Variants in EYA1 observed in about 807,000 individuals in gnomAD.
EYA1 encodes the protein EYA transcriptional coactivator and phosphatase 1.
EYA1 carries 16 observed loss-of-function variants against 82.0 expected under a neutral mutation model. The ratio of observed to expected loss-of-function variants is 0.20; its 90% CI spans 0.13 to 0.30. EYA1 has a LOEUF of 0.30. Among genes scored for constraint, EYA1 ranks in the 10% least tolerant of loss-of-function variants. The pLI is 1.00. For missense variants in EYA1, 633 were observed against 730.7 expected, an observed-to-expected ratio of 0.87 and a Z score of 1.54; for synonymous variants, 261 against 264.4, an observed-to-expected ratio of 0.99 and a Z score of 0.12.
intron 2 of EYA1, among the ~76,000 whole-genome samples, chr8:71,372,790 C>G (rs1828156770): frequency 6.6e-6 from 1 of 152,064 alleles, no homozygotes; most frequent in Non-Finnish European, 1.5e-5. Flanking sequence ...ACACCATGAC[C>G]AAGTGGGGGT....
At chr8:71,317,773 T>A in intron 6 of EYA1, 84 bp from the exon 7 acceptor site, 1 of 1,268,708 alleles carries the variant, frequency 7.9e-7, no homozygotes, top group Non-Finnish European at 1.1e-6. Context: ...CACAACCGTT[T>A]AACTACAAAT....
At chr8:71,419,472 T>C (rs1674295439) in intron 2 of EYA1, among the ~76,000 whole-genome samples, 3 of 152,172 alleles carry the variant, frequency 2.0e-5, no homozygotes. Flanking sequence ...GCATTTCCCC[T>C]TTGAGACACT....
chr8:71,208,489 TCTTTTAACTAAAAC>T (rs1484628216), intron 17 of EYA1, among the ~76,000 whole-genome samples: 1 of 152,112 alleles, frequency 6.6e-6, no homozygotes, highest in Non-Finnish European at 1.5e-5. Context: ...TTAACTAAAA[TCTTTTAACTAAAAC>T]CTTTTATTAC....
intron 11 of EYA1, among the ~76,000 whole-genome samples, chr8:71,248,357 C>T (rs1813354154): frequency 6.6e-6 from 1 of 152,202 alleles, no homozygotes; most frequent in African/African-American, 2.4e-5. Context: ...AACCACAATG[C>T]TCAGTAAAAA....
chr8:71,284,657 A>T (rs746411006), intron 9 of EYA1, among the ~76,000 whole-genome samples: 3 of 152,234 alleles, frequency 2.0e-5, no homozygotes, highest in Non-Finnish European at 4.4e-5. Flanking sequence ...ATTTGTAAAG[A>T]TGATGATAAA....
chr8:71,239,185 C>T (rs913252973), intron 12 of EYA1, among the ~76,000 whole-genome samples: 2 of 152,070 alleles, frequency 1.3e-5, no homozygotes, highest in African/African-American at 4.8e-5. Context: ...CCATTAGTTA[C>T]AATGCAGCTA....
chr8:71,479,130 T>C (rs1029098765), intron 2 of EYA1, among the ~76,000 whole-genome samples: 1 of 152,148 alleles, frequency 6.6e-6, no homozygotes, highest in African/African-American at 2.4e-5. Context: ...CACCTCCAAC[T>C]TTCCTAACCC....
intron 3 of EYA1, among the ~76,000 whole-genome samples, chr8:71,347,300 C>T (rs1825834149): frequency 6.6e-6 from 1 of 151,162 alleles, no homozygotes; most frequent in South Asian, 2.1e-4. Flanking sequence ...CTAAAAGTTA[C>T]CCTAAAGATT....
rs193012703 is a variant in EYA1, at chr8:71,462,934, C to A, written c.33+72810G>T. Among the ~76,000 whole-genome samples the A allele has an allele frequency of 2.1e-4, 32 of 152,290 alleles. No homozygotes were observed. In the East Asian group the frequency reaches 6.0e-3, roughly 28 times the overall value. ...CAGCAGCTGCTGTGGATATCCCCGC[C>A]ACTGCCATCAATTTGAAATTTTTCT... On this transcript the variant is annotated intron_variant, in intron 2 of 18. Transcript: ENST00000643681.
chr8:71,351,076 C>A (rs1826261390), intron 3 of EYA1, among the ~76,000 whole-genome samples: 1 of 152,094 alleles, frequency 6.6e-6, no homozygotes. Context: ...CACCAAGAAG[C>A]CTATTTCTTA....
intron 2 of EYA1, among the ~76,000 whole-genome samples, chr8:71,499,913 T>A (rs1242332898): frequency 6.6e-6 from 1 of 152,200 alleles, no homozygotes; most frequent in Admixed American, 6.5e-5. Flanking sequence ...AATTATTTTA[T>A]AACGCAGTCA....
chr8:71,289,561 G>A (rs1818773008), intron 9 of EYA1, among the ~76,000 whole-genome samples: 3 of 152,140 alleles, frequency 2.0e-5, no homozygotes, highest in Admixed American at 2.0e-4. Context: ...CAGACACAGT[G>A]GTTTCAAGCA....
At chr8:71,455,155 A>G (rs991446151) in intron 2 of EYA1, among the ~76,000 whole-genome samples, 2 of 152,238 alleles carry the variant, frequency 1.3e-5, no homozygotes. Flanking sequence ...TAGAAAATCT[A>G]GAAGAAATGG....
At chr8:71,209,795 T>G (rs1456566356) in intron 17 of EYA1, among the ~76,000 whole-genome samples, 2 of 152,206 alleles carry the variant, frequency 1.3e-5, no homozygotes, top group Non-Finnish European at 2.9e-5. Flanking sequence ...GTTAATCCCA[T>G]AAAATATTTA....
In EYA1 at chr8:71,249,041, C is replaced by T. The variant is rs987844621; in HGVS notation, c.1051-4349G>A. On this transcript the variant is annotated intron_variant, in intron 11 of 17. Transcript: ENST00000340726. ...TTTAAAACACCATTTTTTGTTATAT[C>T]ACTTTCAAAAAATTATTTAGAGCTT... 1.3e-5 allele frequency among the ~76,000 whole-genome samples: 2 copies of T among 152,086 alleles called. 1 individual carries two copies. The highest frequency in any genetic ancestry group is 4.1e-4 in the South Asian group (2 of 4,830).
At chr8:71,519,374 T>C (rs1439886382) in intron 2 of EYA1, among the ~76,000 whole-genome samples, 1 of 152,184 alleles carries the variant, frequency 6.6e-6, no homozygotes, top group African/African-American at 2.4e-5. Context: ...GATTAAAATA[T>C]AGCAACTTTT....
chr8:71,346,828 T>C (rs1825793703), intron 3 of EYA1, among the ~76,000 whole-genome samples: 1 of 152,178 alleles, frequency 6.6e-6, no homozygotes, highest in South Asian at 2.1e-4. Context: ...ACTTATTGAA[T>C]CTGTTAATGC....
chr8:71,281,757 T>C (rs2128969947), intron 9 of EYA1, among the ~76,000 whole-genome samples: 1 of 152,338 alleles, frequency 6.6e-6, no homozygotes, highest in East Asian at 1.9e-4. Context: ...CTGTGCTGTC[T>C]TAAAATTCTT....
rs191472329 is a variant in EYA1, at chr8:71,436,808, T to C, written c.34-80297A>G. On this transcript the variant is annotated intron_variant, in intron 2 of 18. Coordinates refer to the EYA1 transcript ENST00000643681. ...ATGCAAATCAGTGTTGATTGAAAAA[T>C]GTTTGCCTGGAAGGTAAATTCACAC... Among the ~76,000 whole-genome samples the C allele has an allele frequency of 5.1e-4, 78 of 152,192 alleles. 1 individual carries two copies. The highest frequency in any genetic ancestry group is 1.8e-3 in the African/African-American group (75 of 41,554).
Sources: gnomAD v4.1 joint callset for allele counts (sites outside exome capture counted in the v4.1 genomes callset) on GRCh38, gnomAD v4.1.1 for gene constraint, MANE v1.5 for transcripts, NCBI Gene and HGNC (gene_info 2026-07-23, HGNC 2026-07-21) for gene names.